The following SPOCK3 variants were observed in gnomAD, a reference collection of about 807,000 sequenced individuals.
SPOCK3 encodes SPARC (osteonectin), cwcv and kazal like domains proteoglycan 3.
A neutral mutation model predicts 56.6 loss-of-function variants in SPOCK3; 30 were observed. That is an observed-to-expected ratio of 0.53 (90% CI 0.40 to 0.72). The LOEUF (loss-of-function observed/expected upper bound fraction) is 0.72. Among genes scored for constraint, SPOCK3 ranks in the 30% least tolerant of loss-of-function variants. The pLI is 0.00. For missense variants in SPOCK3, 527 were observed against 530.0 expected (o/e 0.99, Z 0.06); for synonymous variants, 196 against 183.3 (o/e 1.07, Z -0.56).
intron 2 of SPOCK3, among the ~76,000 whole-genome samples, chr4:167,175,822 G>A (rs1411806553): frequency 6.6e-6 from 1 of 152,068 alleles, no homozygotes; most frequent in Non-Finnish European, 1.5e-5. Flanking sequence ...CTCTGGTACT[G>A]TGTTATTTCA....
At chr4:166,809,753 A>G (rs770018374) in intron 6 of SPOCK3, among the ~76,000 whole-genome samples, 1 of 152,114 alleles carries the variant, frequency 6.6e-6, no homozygotes, top group Non-Finnish European at 1.5e-5. Context: ...ATGATTGGGC[A>G]CCAATTGTGA....
intron 5 of SPOCK3, among the ~76,000 whole-genome samples, chr4:166,902,294 T>C (rs992307565): frequency 5.9e-5 from 9 of 152,086 alleles, no homozygotes; most frequent in Non-Finnish European, 1.3e-4. Context: ...TTTACTTTGG[T>C]AATCTCTCAT....
intron 6 of SPOCK3, among the ~76,000 whole-genome samples, chr4:166,831,862 G>C: frequency 6.7e-6 from 1 of 150,234 alleles, no homozygotes; most frequent in African/African-American, 2.4e-5. Flanking sequence ...CAGTTCTTAA[G>C]GGAAAAGCTT....
At chr4:166,937,814 A>T (rs1355238420) in intron 4 of SPOCK3, among the ~76,000 whole-genome samples, 1 of 146,530 alleles carries the variant, frequency 6.8e-6, no homozygotes, top group African/African-American at 2.5e-5. Context: ...CTAGAGTTAG[A>T]GTGCAGTGGG....
rs373002383 is a variant in SPOCK3 at position 167,093,647 on chromosome 4, T to C, written c.190-31110A>G. 6.6e-4 allele frequency among the ~76,000 whole-genome samples: 101 copies of C among 152,338 alleles called. 1 individual carries two copies. Among genetic ancestry groups the C allele is most frequent in the African/African-American group, 2.2e-3 (93 of 41,580 alleles). On this transcript the variant is annotated intron_variant, in intron 2 of 10. Transcript: ENST00000357545. Reference sequence around the variant, plus strand: ...TCATCCTTTTCTAATGGCTGCATAGTATTTCATGGTGTATATGTGCCACAT... The same window carrying C: ...TCATCCTTTTCTAATGGCTGCATAGCATTTCATGGTGTATATGTGCCACAT...
At chr4:166,823,352 T>A (rs1745129270) in intron 6 of SPOCK3, among the ~76,000 whole-genome samples, 2 of 151,950 alleles carry the variant, frequency 1.3e-5, no homozygotes, top group South Asian at 4.1e-4. Context: ...AATTCCTGGG[T>A]GCCTGAGTCA....
At chr4:167,067,331 A>G (rs1250888962) in intron 2 of SPOCK3, among the ~76,000 whole-genome samples, 1 of 151,884 alleles carries the variant, frequency 6.6e-6, no homozygotes, top group Non-Finnish European at 1.5e-5. Flanking sequence ...TTTGTTGTAT[A>G]TTTTCACAAC....
At chr4:166,880,096 A>G (rs1733530070) in intron 6 of SPOCK3, among the ~76,000 whole-genome samples, 1 of 152,184 alleles carries the variant, frequency 6.6e-6, no homozygotes, top group African/African-American at 2.4e-5. Context: ...ATGGAAGTGC[A>G]AGAACAGACT....
intron 2 of SPOCK3, among the ~76,000 whole-genome samples, chr4:167,117,485 G>A (rs1041646878): frequency 2.0e-5 from 3 of 152,158 alleles, no homozygotes; most frequent in African/African-American, 7.2e-5. Context: ...GGCTCAGGCA[G>A]AGCAATCAAG....
In SPOCK3 at chr4:167,105,012, AAT is replaced by A. The variant is rs1222341133; in HGVS notation, c.190-42477_190-42476del. Reference sequence around the variant, plus strand: ...ACCCTAGAATAGAATATCCAGTGAAAATATCTTTCAAATATGAAAGAGAAATA... The same window carrying A: ...ACCCTAGAATAGAATATCCAGTGAAAATCTTTCAAATATGAAAGAGAAATA... On this transcript the variant is annotated intron_variant, in intron 2 of 10. Coordinates refer to ENST00000357545, the MANE Select transcript of SPOCK3 (RefSeq NM_001040159.2). Among the ~76,000 whole-genome samples the A allele has an allele frequency of 2.6e-5, 4 of 152,216 alleles. No individual in the cohort carries two copies. The East Asian group carries it at 7.7e-4, about 29-fold the overall frequency.
intron 8 of SPOCK3, among the ~76,000 whole-genome samples, chr4:166,744,808 G>C (rs1167888982): frequency 2.0e-5 from 3 of 152,150 alleles, no homozygotes; most frequent in Non-Finnish European, 4.4e-5. Flanking sequence ...TGATGGAGCT[G>C]AAAACCATGG....
chr4:166,841,412 C>T (rs1360805538), intron 6 of SPOCK3, among the ~76,000 whole-genome samples: 2 of 151,962 alleles, frequency 1.3e-5, no homozygotes, highest in Non-Finnish European at 2.9e-5. Flanking sequence ...TGTCATTTTA[C>T]AATAATTTTT....
At chr4:166,929,556 T>C (rs1375248760) in intron 4 of SPOCK3, among the ~76,000 whole-genome samples, 1 of 151,274 alleles carries the variant, frequency 6.6e-6, no homozygotes, top group Non-Finnish European at 1.5e-5. Context: ...AATATCCTTA[T>C]AGTGATTTTG....
chr4:167,012,767 G>A (rs1263051599), intron 3 of SPOCK3, among the ~76,000 whole-genome samples: 3 of 151,898 alleles, frequency 2.0e-5, no homozygotes, highest in Admixed American at 6.6e-5. Context: ...TTTTAAAATC[G>A]TTTTAATGTT....
intron 4 of SPOCK3, among the ~76,000 whole-genome samples, chr4:166,942,353 G>A (rs893713555): frequency 3.3e-5 from 5 of 151,816 alleles, no homozygotes; most frequent in African/African-American, 1.2e-4. Context: ...TGGGACTACA[G>A]GAGCGCAACA....
intron 3 of SPOCK3, among the ~76,000 whole-genome samples, chr4:167,038,111 T>C (rs1402068302): frequency 1.3e-5 from 2 of 152,072 alleles, no homozygotes; most frequent in African/African-American, 4.8e-5. Context: ...TACAAAATAG[T>C]CACTGCATTC....
intron 3 of SPOCK3, among the ~76,000 whole-genome samples, chr4:167,047,812 C>T (rs1430241541): frequency 6.6e-6 from 1 of 152,148 alleles, no homozygotes; most frequent in Non-Finnish European, 1.5e-5. Flanking sequence ...CTTGGGGAGA[C>T]CCAGGCCAGC....
intron 8 of SPOCK3, among the ~76,000 whole-genome samples, chr4:166,747,029 A>G (rs1735713738): frequency 6.6e-6 from 1 of 152,192 alleles, no homozygotes; most frequent in South Asian, 2.1e-4. Context: ...GACCAGATGG[A>G]TTCACAGCCA....
intron 2 of SPOCK3, among the ~76,000 whole-genome samples, chr4:167,230,001 G>A (rs1736993346): frequency 6.6e-6 from 1 of 151,804 alleles, no homozygotes; most frequent in Non-Finnish European, 1.5e-5. Context: ...TCCATTAAAG[G>A]GTACAATCCT....
Sources: gnomAD v4.1 joint callset for allele counts (sites outside exome capture counted in the v4.1 genomes callset) on GRCh38, gnomAD v4.1.1 for gene constraint, MANE v1.5 for transcripts, NCBI Gene and HGNC (gene_info 2026-07-23, HGNC 2026-07-21) for gene names.